DLG2: variants seen among roughly 807,000 people sequenced by gnomAD.
DLG2 encodes the protein discs large MAGUK scaffold protein 2, also known as disks large homolog 2.
Under a neutral mutation model 132.5 loss-of-function variants are expected in DLG2, and 45 were observed. The ratio of observed to expected loss-of-function variants is 0.34; its 90% CI spans 0.27 to 0.44. The LOEUF is 0.44. Ranked by LOEUF, DLG2 falls within the 20% of genes least tolerant of loss-of-function variation. The probability of loss-of-function intolerance (pLI) is 1.00; values close to 1 mark genes in which losing one functional copy is unlikely to be tolerated. For synonymous variants in DLG2, 424 were observed against 419.6 expected, an observed-to-expected ratio of 1.01 and a Z score of -0.13; for missense variants, 1,045 against 1,196.9, an observed-to-expected ratio of 0.87 and a Z score of 1.87.
chr11:83,512,689 C>G (rs569015578), intron 21 of DLG2, among the ~76,000 whole-genome samples: 23 of 152,016 alleles, frequency 1.5e-4, no homozygotes, highest in Admixed American at 1.1e-3. Flanking sequence ...CCCTTCCCCC[C>G]ACCCCACAAC....
At chr11:83,650,835 C>G (rs1040580191) in intron 18 of DLG2, among the ~76,000 whole-genome samples, 4 of 152,146 alleles carry the variant, frequency 2.6e-5, no homozygotes, top group Non-Finnish European at 4.4e-5. Flanking sequence ...ACTTTCTACT[C>G]CAGATGCCAT....
At chr11:85,213,030 G>T (rs2082347288) in intron 4 of DLG2, among the ~76,000 whole-genome samples, 1 of 152,028 alleles carries the variant, frequency 6.6e-6, no homozygotes, top group Non-Finnish European at 1.5e-5. Flanking sequence ...TTACTGTCTG[G>T]ATATTTGGTA....
intron 7 of DLG2, among the ~76,000 whole-genome samples, chr11:84,516,060 C>T (rs971912066): frequency 4.6e-5 from 7 of 150,768 alleles, no homozygotes; most frequent in African/African-American, 9.7e-5. Context: ...GCACAATATA[C>T]AAAAACCGAC....
At chr11:85,248,463 A>G (rs2076242674) in intron 4 of DLG2, among the ~76,000 whole-genome samples, 1 of 151,982 alleles carries the variant, frequency 6.6e-6, no homozygotes, top group South Asian at 2.1e-4. Flanking sequence ...AGATTCAAAG[A>G]TTTGCTTCAA....
chr11:84,734,886 T>C (rs1483644015), intron 6 of DLG2, among the ~76,000 whole-genome samples: 4 of 152,218 alleles, frequency 2.6e-5, no homozygotes, highest in Admixed American at 6.5e-5. Context: ...TCTGCTTCTA[T>C]TGAGATAATC....
intron 3 of DLG2, among the ~76,000 whole-genome samples, chr11:85,338,903 A>G (rs1367621485): frequency 6.6e-6 from 1 of 151,806 alleles, no homozygotes; most frequent in African/African-American, 2.4e-5. Context: ...ACGGGGTTTC[A>G]CCGTGGTCTC....
At chr11:85,291,925 T>C (rs2078919370) in intron 3 of DLG2, among the ~76,000 whole-genome samples, 1 of 152,136 alleles carries the variant, frequency 6.6e-6, no homozygotes, top group African/African-American at 2.4e-5. Flanking sequence ...GACGGTAAGA[T>C]GTGCTTTAAG....
intron 5 of DLG2, among the ~76,000 whole-genome samples, chr11:85,124,891 C>T (rs369200095): frequency 1.7e-4 from 26 of 150,040 alleles, no homozygotes; most frequent in African/African-American, 5.2e-4. Context: ...AGTGCAGTGG[C>T]GCAATCTTGG....
chr11:84,714,553 C>CTTTCTCTT (rs397956960), intron 6 of DLG2, among the ~76,000 whole-genome samples: 6 of 109,250 alleles, frequency 5.5e-5, no homozygotes, highest in South Asian at 6.2e-4. Flanking sequence ...TTCTCTTTCT[C>CTTTCTCTT]TCTCTTTCTC....
chr11:84,622,116 T>G (rs529171941), intron 6 of DLG2, among the ~76,000 whole-genome samples: 4 of 152,184 alleles, frequency 2.6e-5, no homozygotes, highest in Non-Finnish European at 5.9e-5. Context: ...CCACAGAGAA[T>G]GGGCTGCTTT....
intron 3 of DLG2, among the ~76,000 whole-genome samples, chr11:85,346,796 C>T (rs1596402565): frequency 6.6e-6 from 1 of 152,048 alleles, no homozygotes. Context: ...AAGGACATCA[C>T]AAAGAAAGGG....
chr11:84,586,225 T>C (rs544126409), intron 6 of DLG2, among the ~76,000 whole-genome samples: 6 of 152,248 alleles, frequency 3.9e-5, no homozygotes, highest in Admixed American at 1.3e-4. Context: ...ATGTGTTCTG[T>C]TTCTGTTTAT....
At chr11:84,418,783 C>T (rs552031752) in intron 7 of DLG2, among the ~76,000 whole-genome samples, 2 of 152,306 alleles carry the variant, frequency 1.3e-5, no homozygotes, top group South Asian at 2.1e-4. Flanking sequence ...CCCTAAAATG[C>T]TCTTATCCCG....
At chr11:84,584,495 T>C (rs2154529595) in intron 6 of DLG2, among the ~76,000 whole-genome samples, 1 of 151,220 alleles carries the variant, frequency 6.6e-6, no homozygotes, top group Admixed American at 6.6e-5. Context: ...TACAGGTGGG[T>C]GTCACCATGC....
At chr11:84,394,068 G>A (rs2098802508) in intron 7 of DLG2, among the ~76,000 whole-genome samples, 1 of 151,930 alleles carries the variant, frequency 6.6e-6, no homozygotes, top group Admixed American at 6.6e-5. Flanking sequence ...GTAGAGACAG[G>A]GTTTCACTAT....
At chr11:85,460,276 T>A (rs891665079) in intron 3 of DLG2, among the ~76,000 whole-genome samples, 1 of 152,176 alleles carries the variant, frequency 6.6e-6, no homozygotes, top group Non-Finnish European at 1.5e-5. Flanking sequence ...TAGGAATTCA[T>A]GGCTCCCAGG....
At chr11:84,544,564 G>A (rs1180568168) in intron 6 of DLG2, among the ~76,000 whole-genome samples, 1 of 152,170 alleles carries the variant, frequency 6.6e-6, no homozygotes, top group Non-Finnish European at 1.5e-5. Context: ...TCACATAGTG[G>A]AAAGTGCATG....
At chr11:85,623,358 G>T (rs2081856679) in intron 2 of DLG2, among the ~76,000 whole-genome samples, 2 of 151,870 alleles carry the variant, frequency 1.3e-5, no homozygotes, top group Non-Finnish European at 2.9e-5. Flanking sequence ...AAGTTGGAGT[G>T]CAGCGGCACA....
At chr11:84,190,542 T>C (rs890615093) in intron 8 of DLG2, among the ~76,000 whole-genome samples, 1 of 152,218 alleles carries the variant, frequency 6.6e-6, no homozygotes, top group African/African-American at 2.4e-5. Flanking sequence ...TCATGTTGCA[T>C]ACATAAGTTT....
Sources: allele counts gnomAD v4.1 joint callset (sites outside exome capture counted in the v4.1 genomes callset), GRCh38; gene constraint gnomAD v4.1.1; transcripts MANE v1.5; gene names NCBI Gene and HGNC (gene_info 2026-07-23, HGNC 2026-07-21).